FAM86B1: variants seen among roughly 807,000 people sequenced by gnomAD.
FAM86B1 encodes putative protein N-methyltransferase FAM86B1.
For synonymous variants in FAM86B1, 4 were observed against 137.6 expected (o/e 0.03, Z 6.79); for missense variants, 13 against 328.1 (o/e 0.04, Z 7.42).
At chr8:12,191,038 C>G (rs1806772671) in intron 2 of FAM86B1, among the ~76,000 whole-genome samples, 1 of 149,774 alleles carries the variant, frequency 6.7e-6, no homozygotes, top group African/African-American at 2.5e-5. Context: ...CGAAAGTCTT[C>G]CCTGCTGTGG....
chr8:12,194,668 C>CA (rs1807531643), upstream of FAM86B1: 1 of 160,246 alleles, frequency 6.2e-6, no homozygotes, highest in Non-Finnish European at 1.3e-5. Context: ...GAGGCGGGGC[C>CA]GAGTCCGGGC....
chr8:12,191,136 C>T (rs1269097149), intron 2 of FAM86B1, among the ~76,000 whole-genome samples: 3 of 115,152 alleles, frequency 2.6e-5, no homozygotes, highest in East Asian at 2.4e-4. Context: ...GGTGGGTGGG[C>T]GTGGAGGATG....
chr8:12,190,360 C>T (rs1466702345), intron 2 of FAM86B1, among the ~76,000 whole-genome samples: 1 of 149,134 alleles, frequency 6.7e-6, no homozygotes, highest in Non-Finnish European at 1.5e-5. Context: ...TGAGCAAGTT[C>T]CAGGCAGTGG....
At chr8:12,191,320 G>C (rs1161191912) in intron 2 of FAM86B1, among the ~76,000 whole-genome samples, 1 of 100,866 alleles carries the variant, frequency 9.9e-6, no homozygotes, top group Non-Finnish European at 1.9e-5. Context: ...GCTGGGCCAG[G>C]TGGTGATCCT....
chr8:12,190,636 G>A (rs1204792373), intron 2 of FAM86B1, among the ~76,000 whole-genome samples: 1 of 56,460 alleles, frequency 1.8e-5, no homozygotes, highest in African/African-American at 1.5e-4. Context: ...CCAGGCTGGA[G>A]TGCAGTGGCC....
At chr8:12,187,435 C>G (rs1322412162) in intron 3 of FAM86B1, among the ~76,000 whole-genome samples, 1 of 3,560 alleles carries the variant, frequency 2.8e-4, no homozygotes, top group African/African-American at 4.1e-4. Context: ...TCTCGGCTCA[C>G]TACAACCTCC....
At position 12,182,215 on chromosome 8, in the gene FAM86B1, G is replaced by C. The variant is rs568198009; in HGVS notation, c.*1391C>G. On this transcript the variant is annotated 3_prime_UTR_variant, in exon 7 of 7. Transcript: ENST00000448228. ...TCAGACAGTTTAGCAAGGCTGAAAA[G>C]AACACCCACACCCCCTTGTTACCCA... 1 of 202,022 alleles carries C rather than the reference G, an allele frequency of 4.9e-6. No individual in the cohort carries two copies. Among genetic ancestry groups the C allele is most frequent in the Non-Finnish European group, 9.6e-6 (1 of 103,766 alleles). The allele number at this position is 202,022 out of a possible 1,614,324, so 12.5% of individuals were successfully genotyped here.
chr8:12,189,301 A>T (rs1378271131), intron 3 of FAM86B1, among the ~76,000 whole-genome samples: 1 of 70,656 alleles, frequency 1.4e-5, no homozygotes, highest in African/African-American at 7.1e-5. Context: ...TAAATAAATA[A>T]GTAAAAAATA....
chr8:12,191,112 C>T (rs1158134194), intron 2 of FAM86B1, among the ~76,000 whole-genome samples: 1 of 130,950 alleles, frequency 7.6e-6, no homozygotes, highest in Non-Finnish European at 1.6e-5. Context: ...CACCGGGGCT[C>T]CTAGGATGGG....
upstream of FAM86B1, chr8:12,194,206 TGGGGGCG>T: frequency 1.2e-6 from 1 of 848,290 alleles, no homozygotes; most frequent in Non-Finnish European, 1.8e-6. Flanking sequence ...AGGTGCGTCC[TGGGGGCG>T]GACTCTAGGG....
In FAM86B1 at chr8:12,182,397, G is replaced by A; in HGVS notation, c.*1209C>T. The A allele has an allele frequency of 4.7e-6, 3 of 635,592 alleles. No homozygotes were observed. In the South Asian group the frequency reaches 5.9e-5, roughly 12 times the overall value. 39.4% of individuals were successfully genotyped at this position (635,592 alleles called of 1,614,324 possible). On this transcript the variant is annotated 3_prime_UTR_variant, in exon 7 of 7. Coordinates refer to ENST00000448228, the MANE Select transcript of FAM86B1 (RefSeq NM_001083537.4). ...AAAGCATGATGTCAAGTTGGAAGTG[G>A]AGCGCTGCTGGGTTGTGAAGGGTCT...
chr8:12,188,185 CAG>C (rs1806133203), intron 3 of FAM86B1: 2 of 896,542 alleles, frequency 2.2e-6, no homozygotes, highest in South Asian at 3.6e-5. Context: ...TGGGGGCAGA[CAG>C]AGTGAGAGCT....
intron 1 of FAM86B1, among the ~76,000 whole-genome samples, chr8:12,192,864 G>C (rs1350683157): frequency 2.7e-5 from 4 of 150,334 alleles, no homozygotes; most frequent in Admixed American, 6.6e-5. Flanking sequence ...TCAACGCTGA[G>C]AACAACCCTA....
chr8:12,182,600 A>G lies in FAM86B1; in HGVS notation c.*1006T>C, dbSNP rs1385794691. ...TAGCATTTTGCAGATGCTTTTCTCA[A>G]ACTTTTCTGATCCTGCAGGCAAGCT... is the stretch of plus-strand genomic sequence containing the variant. On this transcript the variant is annotated 3_prime_UTR_variant, in exon 7 of 7. Transcript: ENST00000448228. The G allele has an allele frequency of 2.3e-6, 3 of 1,290,360 alleles. No homozygotes were observed. Among genetic ancestry groups the G allele is most frequent in the South Asian group, 1.2e-5 (1 of 80,018 alleles). 79.9% of individuals were successfully genotyped at this position (1,290,360 alleles called of 1,614,324 possible).
intron 3 of FAM86B1, among the ~76,000 whole-genome samples, chr8:12,189,430 G>T (rs1311563095): frequency 5.6e-5 from 6 of 106,790 alleles, no homozygotes; most frequent in African/African-American, 3.0e-4. Flanking sequence ...AGGGGCCCGT[G>T]GGGCAACCCA....
intron 1 of FAM86B1, among the ~76,000 whole-genome samples, chr8:12,192,983 C>T (rs1177995677): frequency 4.9e-5 from 7 of 143,768 alleles, no homozygotes; most frequent in African/African-American, 1.4e-4. Flanking sequence ...GGCCAGGATT[C>T]GAAGCAGGCA....
intron 6 of FAM86B1, among the ~76,000 whole-genome samples, chr8:12,184,049 G>A (rs1805371124): frequency 1.6e-5 from 1 of 63,554 alleles, no homozygotes; most frequent in Non-Finnish European, 2.8e-5. Flanking sequence ...GAAAGTGGCC[G>A]GGCACAGCCA....
chr8:12,194,296 G>C (rs1807484628), upstream of FAM86B1, among the ~76,000 whole-genome samples: 1 of 148,044 alleles, frequency 6.8e-6, no homozygotes, highest in Admixed American at 6.6e-5. Context: ...GGCAGGTCCT[G>C]GGTAGAGTCC....
Position 12,182,479 on chromosome 8 carries a change from A to G in FAM86B1, c.*1127T>C. ...TCAAGTCCAAGTGAGGGAGTTAGGGACTTGGGAGGGGTTGTTGTTGGGTCG... is the reference window on the plus strand; with the variant it reads ...TCAAGTCCAAGTGAGGGAGTTAGGGGCTTGGGAGGGGTTGTTGTTGGGTCG... On this transcript the variant is annotated 3_prime_UTR_variant, in exon 7 of 7. Transcript: ENST00000448228. 1 of 1,319,074 alleles carries G rather than the reference A, an allele frequency of 7.6e-7. No homozygotes were observed. Among genetic ancestry groups the G allele is most frequent in the East Asian group, 2.5e-5 (1 of 40,612 alleles). 81.7% of individuals were successfully genotyped at this position (1,319,074 alleles called of 1,614,324 possible).
Sources: allele counts gnomAD v4.1 joint callset (sites outside exome capture counted in the v4.1 genomes callset), GRCh38; gene constraint gnomAD v4.1.1; transcripts MANE v1.5; gene names NCBI Gene and HGNC (gene_info 2026-07-23, HGNC 2026-07-21).